NCAPH: variants seen among roughly 807,000 people sequenced by gnomAD.
NCAPH encodes condensin complex subunit 2.
Under a neutral mutation model 85.5 loss-of-function variants are expected in NCAPH, and 38 were observed. The observed-to-expected ratio is 0.44, with a 90% CI of 0.34 to 0.58. The LOEUF (loss-of-function observed/expected upper bound fraction) is 0.58, where lower values mean the gene tolerates loss of function less well. Ranked by LOEUF, NCAPH falls within the 20% of genes least tolerant of loss-of-function variation. NCAPH has a pLI of 0.01. For missense variants in NCAPH, 789 were observed against 916.6 expected, an observed-to-expected ratio of 0.86 and a Z score of 1.80; for synonymous variants, 301 against 335.1, an observed-to-expected ratio of 0.90 and a Z score of 1.11.
chr2:96,355,490 G>A (rs189431643), intron 9 of NCAPH, among the ~76,000 whole-genome samples: 1 of 152,214 alleles, frequency 6.6e-6, no homozygotes, highest in East Asian at 1.9e-4. Flanking sequence ...TGCCCTTGTG[G>A]GAAACGATTA....
chr2:96,353,076 C>T (rs562039476), intron 7 of NCAPH, among the ~76,000 whole-genome samples: 3 of 152,216 alleles, frequency 2.0e-5, no homozygotes, highest in Non-Finnish European at 4.4e-5. Context: ...GATGACAGTG[C>T]ATAGCCTCAC....
At chr2:96,369,214 T>C (rs778308161) in intron 16 of NCAPH, 151 bp downstream of exon 16, 21 of 908,764 alleles carry the variant, frequency 2.3e-5, no homozygotes, top group Non-Finnish European at 3.5e-5. Flanking sequence ...GACCAACTTT[T>C]AAAAAGGCGT....
chr2:96,335,936 G>A (rs1363606569), intron 1 of NCAPH, 88 bp downstream of exon 1: 33 of 1,341,136 alleles, frequency 2.5e-5, no homozygotes, highest in Non-Finnish European at 3.0e-5. Flanking sequence ...TGGCCTGGGC[G>A]GGGAGAGAGG....
chr2:96,342,085 C>T lies in NCAPH; in HGVS notation c.308C>T (p.Thr103Ile), dbSNP rs1156439216. Reference protein sequence around the residue: ...IDISATIPKFTNTQITEHYST... With the variant: ...IDISATIPKFINTQITEHYST... ...ATTTCAGCTACTATCCCCAAGTTTACAAACACGCAGATTACGGAACATTAC... is the reference window on the plus strand; with the variant it reads ...ATTTCAGCTACTATCCCCAAGTTTATAAACACGCAGATTACGGAACATTAC... Residue 103 changes from threonine to isoleucine, a missense_variant, in exon 3 of 18, where the codon ACA becomes ATA. Coordinates refer to ENST00000240423, the MANE Select transcript of NCAPH (RefSeq NM_015341.5). 6.2e-7 allele frequency: 1 copy of T among 1,610,668 alleles called. No individual in the cohort carries two copies. The highest frequency in any genetic ancestry group is 8.5e-7 in the Non-Finnish European group (1 of 1,177,866).
intron 6 of NCAPH, among the ~76,000 whole-genome samples, chr2:96,351,055 C>T (rs985804558): frequency 6.6e-6 from 1 of 152,200 alleles, no homozygotes; most frequent in African/African-American, 2.4e-5. Context: ...CAGGTTTCAC[C>T]CAGCCAGCTA....
chr2:96,371,432 C>T (rs2064771826), intron 17 of NCAPH, among the ~76,000 whole-genome samples: 1 of 152,222 alleles, frequency 6.6e-6, no homozygotes, highest in Admixed American at 6.5e-5. Context: ...GAGAGAGCGG[C>T]TTCATGGCCC....
rs747247884 is a variant in NCAPH at position 96,365,896 on chromosome 2, A to T, written c.1719A>T (p.Glu573Asp). The stretch of plus-strand genomic sequence containing the variant: ...CCCAGGCTGCTGACAGTGATGATGA[A>T]GATTTGGATGACTTATTTGTGGGAC... ...PGLQAADSDD[E>D]DLDDLFVGPV... The change falls in exon 14 of 18, where the codon GAA (glutamate) becomes GAT (aspartate). Residue 573 changes from glutamate to aspartate, a missense_variant. Physicochemically the swap from Glu to Asp is conservative, Grantham distance 45. Transcript: ENST00000240423. 6.2e-7 allele frequency: 1 copy of T among 1,614,194 alleles called. No individual in the cohort carries two copies.
intron 11 of NCAPH, 129 bp downstream of exon 11, chr2:96,360,378 A>G (rs186370406): frequency 2.5e-4 from 195 of 793,910 alleles, no homozygotes; most frequent in Admixed American, 1.4e-3. Flanking sequence ...CCTTAAACGC[A>G]CTATTAAGAA....
chr2:96,343,046 G>C (rs2064316076), intron 4 of NCAPH, 120 bp from the exon 5 acceptor site: 1 of 1,368,848 alleles, frequency 7.3e-7, no homozygotes, highest in African/African-American at 1.4e-5. Flanking sequence ...CAGTCATAGA[G>C]GGATCTTTGT....
At chr2:96,355,498 T>C (rs1010245078) in intron 9 of NCAPH, among the ~76,000 whole-genome samples, 2 of 152,144 alleles carry the variant, frequency 1.3e-5, no homozygotes, top group African/African-American at 4.8e-5. Flanking sequence ...TGGGAAACGA[T>C]TAGGCTGATA....
chr2:96,373,123 T>C (rs1454661411), intron 17 of NCAPH, among the ~76,000 whole-genome samples, 169 bp from the exon 18 acceptor site: 1 of 152,174 alleles, frequency 6.6e-6, no homozygotes, highest in African/African-American at 2.4e-5. Context: ...ATAACAAGGA[T>C]TGGGAATCAG....
intron 1 of NCAPH, among the ~76,000 whole-genome samples, chr2:96,338,968 G>A (rs571592032): frequency 5.4e-4 from 82 of 152,184 alleles, no homozygotes; most frequent in African/African-American, 1.9e-3. Context: ...CCGCCACTGC[G>A]CCCGGCTCAT....
intron 6 of NCAPH, among the ~76,000 whole-genome samples, chr2:96,350,697 C>T (rs187021698): frequency 1.3e-5 from 2 of 152,168 alleles, no homozygotes; most frequent in East Asian, 1.9e-4. Flanking sequence ...GTTTATGGTA[C>T]GGCAGGAGCT....
At chr2:96,344,017 A>G (rs1018121908) in intron 5 of NCAPH, 88 bp from the exon 6 acceptor site, 1 of 1,506,164 alleles carries the variant, frequency 6.6e-7, no homozygotes, top group East Asian at 2.3e-5. Flanking sequence ...TGTTTAAATT[A>G]CGACAGGTTT....
intron 13 of NCAPH, among the ~76,000 whole-genome samples, 174 bp from the exon 14 acceptor site, chr2:96,365,702 G>A (rs529994514): frequency 5.8e-4 from 89 of 152,266 alleles, no homozygotes; most frequent in Non-Finnish European, 6.3e-4. Context: ...CTCTAATAGG[G>A]TTTACGTGAA....
At chr2:96,338,021 G>C in intron 1 of NCAPH, among the ~76,000 whole-genome samples, 1 of 151,556 alleles carries the variant, frequency 6.6e-6, no homozygotes, top group Non-Finnish European at 1.5e-5. Context: ...CTGCCTCCCA[G>C]GCTCAAGCAA....
intron 15 of NCAPH, 75 bp from the exon 16 acceptor site, chr2:96,368,897 C>A: frequency 7.3e-7 from 1 of 1,377,098 alleles, no homozygotes; most frequent in Non-Finnish European, 9.9e-7. Flanking sequence ...TTTTTGGTGA[C>A]ACAACTTTAT....
Position 96,367,301 on chromosome 2 carries a change from G to A in NCAPH, c.1926G>A (p.Met642Ile). 6.2e-7 allele frequency: 1 copy of A among 1,613,542 alleles called. No homozygotes were observed. The highest frequency in any genetic ancestry group is 1.1e-5 in the South Asian group (1 of 91,060). The change falls in exon 15 of 18, where the codon ATG (methionine) becomes ATA (isoleucine). Residue 642 changes from methionine to isoleucine, a missense_variant. Coordinates refer to ENST00000240423, the MANE Select transcript of NCAPH (RefSeq NM_015341.5). ...EIHYAKTAKK[M>I]DMKKLKQSMW... ...ACTATGCCAAGACTGCCAAAAAGAT[G>A]GACATGAAGAAACTGAAGCAGAGCA...
chr2:96,343,144 G>T, intron 4 of NCAPH, 22 bp from the exon 5 acceptor site: 2 of 1,613,270 alleles, frequency 1.2e-6, no homozygotes. Flanking sequence ...CTTTGTGAGT[G>T]CAGCTCTGAT....
Sources: allele counts gnomAD v4.1 joint callset (sites outside exome capture counted in the v4.1 genomes callset), GRCh38; gene constraint gnomAD v4.1.1; transcripts MANE v1.5; gene names NCBI Gene and HGNC (gene_info 2026-07-23, HGNC 2026-07-21).